The following WBP2NL variants were observed in gnomAD, a reference collection of about 807,000 sequenced individuals.
WBP2NL encodes the protein postacrosomal sheath WW domain-binding protein.
A neutral mutation model predicts 23.3 loss-of-function variants in WBP2NL; 27 were observed. That is an observed-to-expected ratio of 1.16 (90% CI 0.85 to 1.60). The LOEUF (loss-of-function observed/expected upper bound fraction) is 1.60, where lower values mean the gene tolerates loss of function less well. Among genes scored for constraint, WBP2NL ranks in the 40% most tolerant of loss-of-function variants. The probability of loss-of-function intolerance (pLI) is 0.00; values close to 1 mark genes in which losing one functional copy is unlikely to be tolerated. For synonymous variants in WBP2NL, 151 were observed against 145.9 expected (o/e 1.03, Z -0.25); for missense variants, 370 against 389.5 (o/e 0.95, Z 0.42).
intron 1 of WBP2NL, among the ~76,000 whole-genome samples, chr22:42,000,487 C>T (rs1238838547): frequency 1.3e-5 from 2 of 152,024 alleles, no homozygotes; most frequent in Admixed American, 1.3e-4. Context: ...TTAGGAGTGA[C>T]TGAAATAAAA....
intron 8 of WBP2NL, among the ~76,000 whole-genome samples, chr22:42,047,618 CA>C (rs200471828): frequency 7.7e-6 from 1 of 129,790 alleles, no homozygotes; most frequent in African/African-American, 3.2e-5. Flanking sequence ...AAAAACCAAT[CA>C]AATTTTTTTT....
At chr22:42,033,642 C>T (rs1211702670), downstream of WBP2NL, among the ~76,000 whole-genome samples, 1 of 151,828 alleles carries the variant, frequency 6.6e-6, no homozygotes, top group Non-Finnish European at 1.5e-5. Context: ...GCAGGTCTTC[C>T]TGTCATCTCT....
At chr22:42,000,012 C>G (rs1297666470) in intron 1 of WBP2NL, among the ~76,000 whole-genome samples, 7 of 152,208 alleles carry the variant, frequency 4.6e-5, no homozygotes, top group Non-Finnish European at 1.5e-5. Flanking sequence ...GTTTCCTACA[C>G]TCAAACTCAG....
chr22:42,026,980 TGGATATGGAACCCCACCTCTC>T lies in WBP2NL; in HGVS notation c.739_759del (p.Thr247_Gly253del), dbSNP rs776672632. On this transcript the variant is annotated inframe_deletion, in exon 6 of 6. Transcript: ENST00000328823. ...CTCTAGGATATGGAGCCCCACCTCTTGGATATGGAACCCCACCTCTCGGATATGGAGCCCCACCTCTCGGAT... is the reference window on the plus strand; with the variant it reads ...CTCTAGGATATGGAGCCCCACCTCTTGGATATGGAGCCCCACCTCTCGGAT... The T allele has an allele frequency of 1.2e-6, 2 of 1,604,766 alleles. No homozygotes were observed. The highest frequency in any genetic ancestry group is 1.7e-6 in the Non-Finnish European group (2 of 1,177,080).
intron 4 of WBP2NL, among the ~76,000 whole-genome samples, chr22:42,020,297 C>T (rs1240721237): frequency 6.6e-6 from 1 of 152,116 alleles, no homozygotes; most frequent in Non-Finnish European, 1.5e-5. Flanking sequence ...GCCTCAGCCT[C>T]CCGAAGTGCT....
rs1457906334 is a variant in WBP2NL at position 42,028,139 on chromosome 22, C to T, written c.*958C>T. ...TCTAACAGCACAAAATTAGAAATAA[C>T]CTATATGTCCATTAATAGGAAATAT... On this transcript the variant is annotated 3_prime_UTR_variant, in exon 6 of 6. Coordinates refer to ENST00000328823, the MANE Select transcript of WBP2NL (RefSeq NM_152613.3). 1.5e-5 allele frequency: 6 copies of T among 398,182 alleles called. No individual in the cohort carries two copies. The highest frequency in any genetic ancestry group is 1.3e-4 in the South Asian group (1 of 7,854). The allele number at this position is 398,182 out of a possible 1,614,324, so 24.7% of individuals were successfully genotyped here.
chr22:42,009,192 G>A (rs1287101789), intron 1 of WBP2NL, among the ~76,000 whole-genome samples: 2 of 152,126 alleles, frequency 1.3e-5, no homozygotes, highest in Admixed American at 6.5e-5. Flanking sequence ...ATTACAGGGA[G>A]CTCTTTACAT....
chr22:42,019,582 C>T, intron 2 of WBP2NL, 80 bp from the exon 3 acceptor site: 1 of 1,582,302 alleles, frequency 6.3e-7, no homozygotes. Context: ...TCAGTTAGAC[C>T]AGAATGCACC....
intron 1 of WBP2NL, among the ~76,000 whole-genome samples, chr22:42,009,632 C>T (rs1922623661): frequency 6.6e-6 from 1 of 152,168 alleles, no homozygotes; most frequent in African/African-American, 2.4e-5. Context: ...TCAATTCTCA[C>T]ATATATGTGA....
intron 1 of WBP2NL, among the ~76,000 whole-genome samples, chr22:42,014,374 C>T (rs1923117054): frequency 6.6e-6 from 1 of 152,168 alleles, no homozygotes; most frequent in East Asian, 1.9e-4. Context: ...TGTAGGTGCA[C>T]TCCACCATGC....
At chr22:42,023,066 A>G (rs904952754) in intron 5 of WBP2NL, among the ~76,000 whole-genome samples, 2 of 152,224 alleles carry the variant, frequency 1.3e-5, no homozygotes, top group African/African-American at 2.4e-5. Flanking sequence ...GGTGAAATTC[A>G]CATAACATAT....
Position 42,026,972 on chromosome 22 carries a change from C to A in WBP2NL, c.721C>A (p.Pro241Thr), listed in dbSNP as rs1924569072. ...YGAPPLGYGA[P>T]PLGYGTPPLG... ...AGCCCCACCTCTAGGATATGGAGCC[C>A]CACCTCTTGGATATGGAACCCCACC... The change falls in exon 6 of 6, where the codon CCA becomes ACA. Residue 241 changes from proline (P) to threonine (T), a missense_variant. By Grantham distance (38) the Pro-to-Thr change is conservative. Coordinates refer to ENST00000328823, the MANE Select transcript of WBP2NL (RefSeq NM_152613.3). The A allele has an allele frequency of 6.2e-7, 1 of 1,612,786 alleles. No individual in the cohort carries two copies. Among genetic ancestry groups the A allele is most frequent in the Non-Finnish European group, 8.5e-7 (1 of 1,179,516 alleles).
At chr22:42,022,493 CTT>C in intron 5 of WBP2NL, 137 bp downstream of exon 5, 1 of 776,032 alleles carries the variant, frequency 1.3e-6, no homozygotes, top group Non-Finnish European at 2.0e-6. Context: ...ACATCTGTGA[CTT>C]TGTTTCCAGA....
rs1921243014 is a variant in WBP2NL, at chr22:41,999,008, C to T, written c.62+128C>T. The T allele has an allele frequency of 1.1e-5, 13 of 1,149,284 alleles. No individual in the cohort carries two copies. The East Asian group carries it at 2.0e-4, about 17-fold the overall frequency. The allele number at this position is 1,149,284 out of a possible 1,614,324, so 71.2% of individuals were successfully genotyped here. ...TTTGGGCGCGGCGCTCTTAGCTCCGCCCCCGACCTTTGGGAGCGCGCGCCC... is the reference window on the plus strand; with the variant it reads ...TTTGGGCGCGGCGCTCTTAGCTCCGTCCCCGACCTTTGGGAGCGCGCGCCC... On this transcript the variant is annotated intron_variant, in intron 1 of 5. Coordinates refer to ENST00000328823, the MANE Select transcript of WBP2NL (RefSeq NM_152613.3).
rs1602429940 is a variant in WBP2NL, at chr22:41,998,890, G to A, written c.62+10G>A. On this transcript the variant is annotated intron_variant, in intron 1 of 5. Transcript: ENST00000328823. ...TCCCTAACGGTGAAAGGTGCCTGAGGGGAAGCACGGCGTGCTGTCGGAGGA... is the reference window on the plus strand; with the variant it reads ...TCCCTAACGGTGAAAGGTGCCTGAGAGGAAGCACGGCGTGCTGTCGGAGGA... 3.7e-6 allele frequency: 6 copies of A among 1,607,244 alleles called. No individual in the cohort carries two copies. The highest frequency in any genetic ancestry group is 5.1e-6 in the Non-Finnish European group (6 of 1,175,334).
intron 8 of WBP2NL, among the ~76,000 whole-genome samples, chr22:42,038,293 T>C (rs1925266833): frequency 6.6e-6 from 1 of 152,252 alleles, no homozygotes; most frequent in Non-Finnish European, 1.5e-5. Context: ...GATTTTCATA[T>C]GTTAACTGAC....
downstream of WBP2NL, among the ~76,000 whole-genome samples, chr22:42,028,873 C>T (rs960127974): frequency 6.6e-6 from 1 of 152,224 alleles, no homozygotes; most frequent in African/African-American, 2.4e-5. Flanking sequence ...TAAGGTACTG[C>T]CCTGTACGTT....
At chr22:42,002,063 G>C in intron 1 of WBP2NL, 2 of 457,532 alleles carry the variant, frequency 4.4e-6, no homozygotes, top group Non-Finnish European at 7.6e-6. Flanking sequence ...TTTGGTGTTT[G>C]GGTGTCTTCT....
At chr22:42,023,747 A>G (rs1157942978) in intron 5 of WBP2NL, among the ~76,000 whole-genome samples, 1 of 151,758 alleles carries the variant, frequency 6.6e-6, no homozygotes, top group African/African-American at 2.4e-5. Flanking sequence ...CGCCCGCCTC[A>G]GCCTCCCAAA....
Sources: allele counts gnomAD v4.1 joint callset (sites outside exome capture counted in the v4.1 genomes callset), GRCh38; gene constraint gnomAD v4.1.1; transcripts MANE v1.5; gene names NCBI Gene and HGNC (gene_info 2026-07-23, HGNC 2026-07-21).